The following FRMD4B variants were observed in gnomAD, a reference collection of about 807,000 sequenced individuals.
The protein encoded by FRMD4B is FERM domain containing 4B.
Under a neutral mutation model 141.5 loss-of-function variants are expected in FRMD4B, and 74 were observed. The observed-to-expected ratio is 0.52, with a 90% CI of 0.43 to 0.63. The LOEUF (loss-of-function observed/expected upper bound fraction) is 0.63. Ranked by LOEUF, FRMD4B falls within the 30% of genes least tolerant of loss-of-function variation. The pLI, the probability that FRMD4B is intolerant of heterozygous loss-of-function variation, is 0.00. For missense variants in FRMD4B, 1,366 were observed against 1,253.4 expected (o/e 1.09, Z -1.36); for synonymous variants, 506 against 467.9 (o/e 1.08, Z -1.05).
intron 1 of FRMD4B, among the ~76,000 whole-genome samples, chr3:69,332,742 ATTTTTTTTTTT>A (rs58437578): frequency 2.4e-4 from 16 of 67,550 alleles, no homozygotes; most frequent in Admixed American, 1.0e-3. Flanking sequence ...ACACCTGGCT[ATTTTTTTTTTT>A]TTTTTTTTTT....
At chr3:69,204,809 G>T (rs2093006704) in intron 11 of FRMD4B, among the ~76,000 whole-genome samples, 1 of 152,168 alleles carries the variant, frequency 6.6e-6, no homozygotes, top group Non-Finnish European at 1.5e-5. Context: ...CTAAGATGTT[G>T]CATCTATTAT....
At chr3:69,402,460 C>T (rs1190534136) in intron 2 of FRMD4B, among the ~76,000 whole-genome samples, 5 of 152,096 alleles carry the variant, frequency 3.3e-5, no homozygotes, top group Non-Finnish European at 5.9e-5. Context: ...TCCTTATTAC[C>T]TTATTAACCC....
chr3:69,522,911 G>A (rs1337944319), intron 1 of FRMD4B, among the ~76,000 whole-genome samples: 1 of 152,034 alleles, frequency 6.6e-6, no homozygotes, highest in Admixed American at 6.5e-5. Flanking sequence ...AGAGTGTCGA[G>A]CTTATTAATT....
chr3:69,497,113 A>G (rs938659224), intron 1 of FRMD4B, among the ~76,000 whole-genome samples: 2 of 152,172 alleles, frequency 1.3e-5, no homozygotes, highest in East Asian at 3.9e-4. Flanking sequence ...GGCTATCACA[A>G]GGTCCTGTCA....
At chr3:69,478,211 C>A (rs1348690429) in intron 1 of FRMD4B, among the ~76,000 whole-genome samples, 1 of 152,028 alleles carries the variant, frequency 6.6e-6, no homozygotes, top group African/African-American at 2.4e-5. Context: ...TCCTTCAGTT[C>A]TGCTCTGATT....
chr3:69,262,702 C>T (rs1030416869), intron 5 of FRMD4B, among the ~76,000 whole-genome samples: 5 of 150,978 alleles, frequency 3.3e-5, no homozygotes, highest in African/African-American at 4.9e-5. Flanking sequence ...TCAGGTGATC[C>T]GCCCGCCTTG....
intron 1 of FRMD4B, among the ~76,000 whole-genome samples, chr3:69,440,501 C>A (rs1269078485): frequency 6.6e-6 from 1 of 152,138 alleles, no homozygotes; most frequent in Non-Finnish European, 1.5e-5. Flanking sequence ...TCACAAAACT[C>A]CCTTATTAAA....
chr3:69,319,697 A>G (rs1043915847), intron 1 of FRMD4B, among the ~76,000 whole-genome samples: 40 of 152,222 alleles, frequency 2.6e-4, no homozygotes, highest in Admixed American at 2.5e-3. Context: ...TGATGCTTAC[A>G]TGAGGTGGGT....
chr3:69,365,573 C>T (rs1054295414), intron 1 of FRMD4B, among the ~76,000 whole-genome samples: 7 of 146,388 alleles, frequency 4.8e-5, no homozygotes, highest in East Asian at 1.9e-4. Flanking sequence ...GAAGCAATCT[C>T]GACTCACCAC....
intron 10 of FRMD4B, 93 bp downstream of exon 10, chr3:69,218,229 G>T: frequency 1.5e-6 from 1 of 662,506 alleles, no homozygotes; most frequent in Non-Finnish European, 2.6e-6. Context: ...CAAAAGGCAA[G>T]ATATAATCAG....
intron 2 of FRMD4B, among the ~76,000 whole-genome samples, chr3:69,401,994 T>C (rs1242079868): frequency 6.6e-6 from 1 of 152,254 alleles, no homozygotes; most frequent in African/African-American, 2.4e-5. Context: ...CAGTAGCCTG[T>C]GCGTAGGCAA....
chr3:69,384,497 G>A (rs1005482082), intron 1 of FRMD4B, among the ~76,000 whole-genome samples: 1 of 152,164 alleles, frequency 6.6e-6, no homozygotes, highest in Non-Finnish European at 1.5e-5. Context: ...GAAAAAAAAG[G>A]CTTGAAAGAC....
At chr3:69,385,360 G>C (rs1299002277) in intron 1 of FRMD4B, among the ~76,000 whole-genome samples, 1 of 152,060 alleles carries the variant, frequency 6.6e-6, no homozygotes, top group Non-Finnish European at 1.5e-5. Context: ...CTTACAAGTT[G>C]GGGCTGCCTG....
intron 1 of FRMD4B, among the ~76,000 whole-genome samples, chr3:69,535,249 T>C (rs7643730): frequency 0.22 from 33,007 of 152,162 alleles, 3,685 homozygotes; most frequent in Admixed American, 0.26. Flanking sequence ...TCTTATAAAA[T>C]ACTAGTCAAC....
chr3:69,509,927 T>G (rs889897330), intron 1 of FRMD4B, among the ~76,000 whole-genome samples: 1 of 151,464 alleles, frequency 6.6e-6, no homozygotes, highest in Non-Finnish European at 1.5e-5. Flanking sequence ...CCAGTACATA[T>G]AAAAGTTCTG....
chr3:69,446,293 T>C lies in FRMD4B; in HGVS notation c.-128-13532A>G, dbSNP rs531553407. Among the ~76,000 whole-genome samples, 192 of 152,184 alleles carry C rather than the reference T, an allele frequency of 1.3e-3. 1 individual carries two copies. Among genetic ancestry groups the C allele is most frequent in the Non-Finnish European group, 1.8e-3 (123 of 68,006 alleles). On this transcript the variant is annotated intron_variant, in intron 1 of 5. Coordinates refer to the FRMD4B transcript ENST00000459638. ...TGCCCACTTTAGCCTCATAAAGTGCTGGGTTTGCAGGCGTGAGCCACCGTG... is the reference window on the plus strand; with the variant it reads ...TGCCCACTTTAGCCTCATAAAGTGCCGGGTTTGCAGGCGTGAGCCACCGTG...
chr3:69,231,444 C>G (rs963876777), intron 7 of FRMD4B, among the ~76,000 whole-genome samples: 4 of 152,196 alleles, frequency 2.6e-5, no homozygotes, highest in Non-Finnish European at 4.4e-5. Context: ...TGTGCTACCA[C>G]GCCCAGCTAA....
chr3:69,380,962 CT>C (rs1311825020), intron 1 of FRMD4B, among the ~76,000 whole-genome samples: 2 of 152,150 alleles, frequency 1.3e-5, no homozygotes, highest in African/African-American at 4.8e-5. Context: ...TTTGTGAAAC[CT>C]AATTAATTGC....
intron 1 of FRMD4B, among the ~76,000 whole-genome samples, chr3:69,477,540 C>T (rs1190828725): frequency 1.3e-5 from 2 of 151,650 alleles, no homozygotes; most frequent in African/African-American, 4.9e-5. Context: ...AGCCTTGCAT[C>T]CCAGGGATGA....
Sources: allele counts gnomAD v4.1 joint callset (sites outside exome capture counted in the v4.1 genomes callset), GRCh38; gene constraint gnomAD v4.1.1; transcripts MANE v1.5; gene names NCBI Gene and HGNC (gene_info 2026-07-23, HGNC 2026-07-21).